Variants in ZNF189 observed in about 807,000 individuals in gnomAD.
The protein encoded by ZNF189 is zinc finger protein 189.
A neutral mutation model predicts 53.5 loss-of-function variants in ZNF189; 33 were observed. The observed-to-expected ratio is 0.62, with a 90% CI of 0.47 to 0.82. The LOEUF is 0.82. ZNF189 is among the 40% of genes least tolerant of loss of function. ZNF189 has a pLI of 0.00. For missense variants in ZNF189, 711 were observed against 753.9 expected (o/e 0.94, Z 0.67); for synonymous variants, 247 against 238.8 (o/e 1.03, Z -0.32).
rs563902160 is a variant in ZNF189 at position 101,409,507 on chromosome 9, A to C, written c.1739A>C (p.Gln580Pro). 1.9e-6 allele frequency: 3 copies of C among 1,614,120 alleles called. No individual in the cohort carries two copies. In the South Asian group the frequency reaches 3.3e-5, roughly 18 times the overall value. ...CEKCDKSFSQ[Q>P]RSLVNHQKIH... ...AAGTGCGACAAAAGTTTCAGTCAAC[A>C]GCGCAGTCTTGTCAACCATCAGAAG... Residue 580 changes from glutamine to proline, a missense_variant, in exon 3 of 3, where the codon CAG becomes CCG. Coordinates refer to ENST00000339664, the MANE Select transcript of ZNF189 (RefSeq NM_003452.4).
At position 101,407,943 on chromosome 9, in the gene ZNF189, G is replaced by A; in HGVS notation, c.175G>A (p.Asp59Asn). ...TATTATTCCAGATGTTTTGAACAGAGATAAGGATGAGGAGCCAACTGTAAA... is the reference window on the plus strand; with the variant it reads ...TATTATTCCAGATGTTTTGAACAGAAATAAGGATGAGGAGCCAACTGTAAA... ...NLVSLDVLNR[D>N]KDEEPTVKQE... The change falls in exon 3 of 3, where the codon GAT becomes AAT. Residue 59 changes from aspartate to asparagine, a missense_variant. Coordinates refer to ENST00000339664, the MANE Select transcript of ZNF189 (RefSeq NM_003452.4). The A allele has an allele frequency of 6.4e-7, 1 of 1,569,370 alleles. No individual in the cohort carries two copies. Among genetic ancestry groups the A allele is most frequent in the Non-Finnish European group, 8.6e-7 (1 of 1,162,218 alleles).
intron 2 of ZNF189, among the ~76,000 whole-genome samples, chr9:101,403,688 AG>A (rs1271619005): frequency 3.9e-5 from 6 of 152,218 alleles, no homozygotes; most frequent in Non-Finnish European, 7.3e-5. Context: ...ACATGGCAGA[AG>A]GGGAGAGAGA....
At chr9:101,404,227 T>C (rs1830635284) in intron 2 of ZNF189, among the ~76,000 whole-genome samples, 1 of 152,260 alleles carries the variant, frequency 6.6e-6, no homozygotes, top group African/African-American at 2.4e-5. Flanking sequence ...TATGTGAATG[T>C]CATTGTTTTA....
At chr9:101,400,217 A>G (rs1460736617) in intron 2 of ZNF189, among the ~76,000 whole-genome samples, 1 of 152,128 alleles carries the variant, frequency 6.6e-6, no homozygotes, top group Non-Finnish European at 1.5e-5. Context: ...TCCTGTCTTC[A>G]TAATCTCATT....
In ZNF189 at chr9:101,409,994, C is replaced by A; in HGVS notation, c.*345C>A. 1 of 192,056 alleles carries A rather than the reference C, an allele frequency of 5.2e-6. No homozygotes were observed. Among genetic ancestry groups the A allele is most frequent in the African/African-American group, 2.3e-5 (1 of 42,564 alleles). The allele number at this position is 192,056 out of a possible 1,614,324, so 11.9% of individuals were successfully genotyped here. On this transcript the variant is annotated 3_prime_UTR_variant, in exon 3 of 3. Transcript: ENST00000339664. ...GATAGTGGAAAACAGAATAATGATT[C>A]AAAGAGTCTTCTGTCACCATGTCAT...
rs538238621 is a variant in ZNF189, at chr9:101,401,093, TAA to T, written c.160+1086_160+1087del. 1.9e-3 allele frequency among the ~76,000 whole-genome samples: 290 copies of T among 152,368 alleles called. 1 individual carries two copies. Among genetic ancestry groups the T allele is most frequent in the African/African-American group, 6.6e-3 (275 of 41,584 alleles). ...CAAACTTCAAATCCTGTATTTGTTA[TAA>T]AATTCACCTTTCTCTCTTTCCTACC... On this transcript the variant is annotated intron_variant, in intron 2 of 2. Coordinates refer to ENST00000339664, the MANE Select transcript of ZNF189 (RefSeq NM_003452.4).
intron 2 of ZNF189, among the ~76,000 whole-genome samples, chr9:101,404,623 G>A (rs1588158103): frequency 6.6e-6 from 1 of 152,062 alleles, no homozygotes; most frequent in African/African-American, 2.4e-5. Context: ...CTAAGAACAA[G>A]CTTTTTAATC....
chr9:101,399,876 T>G lies in ZNF189; in HGVS notation c.34-8T>G, dbSNP rs772574621. 6.2e-7 allele frequency: 1 copy of G among 1,614,070 alleles called. No individual in the cohort carries two copies. The highest frequency in any genetic ancestry group is 8.5e-7 in the Non-Finnish European group (1 of 1,179,996). On this transcript the variant is annotated splice_polypyrimidine_tract_variant and splice_region_variant and intron_variant, in intron 1 of 2. Transcript: ENST00000339664. ...CAGGAACTGACTACAGAAATCATAC[T>G]ATTTCAGGGGTTGCTGACATTTGAG...
chr9:101,399,017 G>T lies in ZNF189; in HGVS notation c.-140G>T. 3 of 735,926 alleles carry T rather than the reference G, an allele frequency of 4.1e-6. No homozygotes were observed. The highest frequency in any genetic ancestry group is 7.5e-6 in the Non-Finnish European group (3 of 401,744). 45.6% of individuals were successfully genotyped at this position (735,926 alleles called of 1,614,324 possible). Reference sequence around the variant, plus strand: ...GCTGTTGGGGTCGTGACCGTCTGGGGGCCGAGGCAGGCACTGGCCAGACCC... The same window carrying T: ...GCTGTTGGGGTCGTGACCGTCTGGGTGCCGAGGCAGGCACTGGCCAGACCC... On this transcript the variant is annotated 5_prime_UTR_variant, in exon 1 of 3. Coordinates refer to ENST00000339664, the MANE Select transcript of ZNF189 (RefSeq NM_003452.4).
intron 2 of ZNF189, among the ~76,000 whole-genome samples, chr9:101,403,219 TCTC>T (rs1830595347): frequency 6.6e-6 from 1 of 152,100 alleles, no homozygotes; most frequent in Non-Finnish European, 1.5e-5. Context: ...GGCCCTGCCT[TCTC>T]CTAGAACTGC....
At chr9:101,404,044 C>G (rs142502575) in intron 2 of ZNF189, among the ~76,000 whole-genome samples, 57 of 152,304 alleles carry the variant, frequency 3.7e-4, no homozygotes, top group African/African-American at 1.3e-3. Flanking sequence ...TTTGGCGAAA[C>G]CCACTTTGAG....
At chr9:101,401,479 A>G (rs1830531172) in intron 2 of ZNF189, among the ~76,000 whole-genome samples, 1 of 152,022 alleles carries the variant, frequency 6.6e-6, no homozygotes, top group Non-Finnish European at 1.5e-5. Context: ...CTCCCTTGGT[A>G]CCCTTATTCT....
At position 101,398,859 on chromosome 9, in the gene ZNF189, C is replaced by T. The variant is rs1470644699; in HGVS notation, c.-298C>T. The stretch of plus-strand genomic sequence containing the variant: ...CTGGTCCGGGGGCGGGCGGTCATAG[C>T]GTTACTTGGCTGCAAGGAGGAGGAA... On this transcript the variant is annotated 5_prime_UTR_variant, in exon 1 of 3. Transcript: ENST00000339664. The T allele has an allele frequency of 5.4e-6, 3 of 558,344 alleles. No individual in the cohort carries two copies. 34.6% of individuals were successfully genotyped at this position (558,344 alleles called of 1,614,324 possible).
chr9:101,399,246 G>A (rs539995602), intron 1 of ZNF189, 57 bp downstream of exon 1: 2 of 1,475,552 alleles, frequency 1.4e-6, no homozygotes, highest in East Asian at 2.4e-5. Context: ...CAGCTAGGCC[G>A]CACCACTGCT....
At position 101,400,029 on chromosome 9, in the gene ZNF189, T is replaced by C; in HGVS notation, c.160+19T>C. ...TCACTGGGTAAGAATCTGCTGTTTCTCTAATTAAAATATCTAAGAAGGTAG... is the reference window on the plus strand; with the variant it reads ...TCACTGGGTAAGAATCTGCTGTTTCCCTAATTAAAATATCTAAGAAGGTAG... On this transcript the variant is annotated intron_variant, in intron 2 of 2. Coordinates refer to ENST00000339664, the MANE Select transcript of ZNF189 (RefSeq NM_003452.4). The C allele has an allele frequency of 6.2e-7, 1 of 1,610,750 alleles. No homozygotes were observed. The highest frequency in any genetic ancestry group is 2.2e-5 in the East Asian group (1 of 44,840).
intron 2 of ZNF189, among the ~76,000 whole-genome samples, chr9:101,401,334 A>G (rs1258047169): frequency 1.3e-5 from 2 of 152,226 alleles, no homozygotes; most frequent in South Asian, 4.1e-4. Context: ...TCTCAGAGAA[A>G]ATAAAGGCCA....
intron 1 of ZNF189, 28 bp downstream of exon 1, chr9:101,399,217 G>T (rs748032596): frequency 3.2e-6 from 5 of 1,569,104 alleles, no homozygotes; most frequent in East Asian, 2.3e-5. Context: ...CGGGGATCCC[G>T]GTTGTCTCGC....
Position 101,409,802 on chromosome 9 carries a change from GC to G in ZNF189, c.*156del. On this transcript the variant is annotated 3_prime_UTR_variant, in exon 3 of 3. Coordinates refer to ENST00000339664, the MANE Select transcript of ZNF189 (RefSeq NM_003452.4). ...AAGATTCTGTGAATAGTGGACAACT[GC>G]CCATGAGCATTTGACTTCCCTTACT... 1.3e-6 allele frequency: 1 copy of G among 799,196 alleles called. No individual in the cohort carries two copies. The highest frequency in any genetic ancestry group is 1.9e-6 in the Non-Finnish European group (1 of 528,240). The allele number at this position is 799,196 out of a possible 1,614,324, so 49.5% of individuals were successfully genotyped here.
At chr9:101,404,810 A>G (rs182470106) in intron 2 of ZNF189, among the ~76,000 whole-genome samples, 2 of 152,352 alleles carry the variant, frequency 1.3e-5, no homozygotes, top group Admixed American at 6.5e-5. Context: ...CTCACAAAGA[A>G]TTTACAATCT....
Sources: gnomAD v4.1 joint callset for allele counts (sites outside exome capture counted in the v4.1 genomes callset) on GRCh38, gnomAD v4.1.1 for gene constraint, MANE v1.5 for transcripts, NCBI Gene and HGNC (gene_info 2026-07-23, HGNC 2026-07-21) for gene names.